FBXL20: variants seen among roughly 807,000 people sequenced by gnomAD.
FBXL20 encodes F-box/LRR-repeat protein 20.
FBXL20 carries 11 observed loss-of-function variants against 64.0 expected under a neutral mutation model. The observed-to-expected ratio is 0.17, with a 90% CI of 0.11 to 0.28. FBXL20 has a LOEUF of 0.28. Among genes scored for constraint, FBXL20 ranks in the 10% least tolerant of loss-of-function variants. FBXL20 has a pLI of 1.00. For synonymous variants in FBXL20, 184 were observed against 189.0 expected (o/e 0.97, Z 0.22); for missense variants, 303 against 526.2 (o/e 0.58, Z 4.15).
intron 9 of FBXL20, among the ~76,000 whole-genome samples, chr17:39,275,584 T>C (rs2046882728): frequency 6.6e-6 from 1 of 151,824 alleles, no homozygotes; most frequent in South Asian, 2.1e-4. Context: ...GCAATTTTTT[T>C]TTTTGTATTT....
At chr17:39,275,715 T>TA (rs2046884009) in intron 9 of FBXL20, among the ~76,000 whole-genome samples, 1 of 151,870 alleles carries the variant, frequency 6.6e-6, no homozygotes, top group Non-Finnish European at 1.5e-5. Flanking sequence ...TGGCCTCAAT[T>TA]AAATATTAAA....
intron 9 of FBXL20, among the ~76,000 whole-genome samples, chr17:39,280,260 G>A (rs924432791): frequency 2.0e-5 from 3 of 148,826 alleles, no homozygotes; most frequent in East Asian, 2.0e-4. Context: ...AAAATTAGCC[G>A]GGCATGGTGA....
rs565807417 is a variant in FBXL20 at position 39,310,869 on chromosome 17, C to T, written c.105-7230G>A. ...GCATGGTGGCACACGCCTGTAATCTCAGCTACTTGGGAGGCTGAGGCAGAA... is the reference window on the plus strand; with the variant it reads ...GCATGGTGGCACACGCCTGTAATCTTAGCTACTTGGGAGGCTGAGGCAGAA... On this transcript the variant is annotated intron_variant, in intron 2 of 14. Coordinates refer to ENST00000264658, the MANE Select transcript of FBXL20 (RefSeq NM_032875.3). 1.9e-3 allele frequency among the ~76,000 whole-genome samples: 284 copies of T among 152,222 alleles called. 2 individuals are homozygous for T. The highest frequency in any genetic ancestry group is 6.5e-3 in the African/African-American group (271 of 41,530).
intron 1 of FBXL20, among the ~76,000 whole-genome samples, chr17:39,391,021 C>G (rs943232696): frequency 6.6e-6 from 1 of 152,064 alleles, no homozygotes; most frequent in Non-Finnish European, 1.5e-5. Context: ...CCAGCTTGTG[C>G]GACAGAGCAA....
chr17:39,372,188 T>C (rs1261917100), intron 1 of FBXL20, among the ~76,000 whole-genome samples: 1 of 152,130 alleles, frequency 6.6e-6, no homozygotes, highest in Non-Finnish European at 1.5e-5. Flanking sequence ...TAGGTGATTT[T>C]CAAAACAGCC....
chr17:39,274,936 T>C, intron 10 of FBXL20, 34 bp downstream of exon 10: 1 of 1,611,326 alleles, frequency 6.2e-7, no homozygotes, highest in Non-Finnish European at 8.5e-7. Flanking sequence ...ACTTTTGTTC[T>C]ATGATTTTTT....
intron 1 of FBXL20, among the ~76,000 whole-genome samples, chr17:39,360,879 G>A (rs2047787578): frequency 6.6e-6 from 1 of 152,044 alleles, no homozygotes; most frequent in Admixed American, 6.6e-5. Flanking sequence ...AGATATACCA[G>A]TTGTTACCAA....
In FBXL20 at chr17:39,386,571, C is replaced by G. The variant is rs145521275; in HGVS notation, c.42+14790G>C. On this transcript the variant is annotated intron_variant, in intron 1 of 14. Coordinates refer to ENST00000264658, the MANE Select transcript of FBXL20 (RefSeq NM_032875.3). ...CCCGGGAGGCGGAGGTTGCAGTGAG[C>G]TGAGATCACGTCACTGTACTCCAGC... is the stretch of plus-strand genomic sequence containing the variant. Among the ~76,000 whole-genome samples, 1,036 of 152,202 alleles carry G rather than the reference C, an allele frequency of 6.8e-3. 6 individuals carry two copies. Among genetic ancestry groups the G allele is most frequent in the South Asian group, 0.011 (54 of 4,824 alleles).
intron 2 of FBXL20, among the ~76,000 whole-genome samples, chr17:39,319,673 CAAAAAAA>C (rs71300077): frequency 5.5e-4 from 26 of 47,308 alleles, no homozygotes; most frequent in African/African-American, 1.7e-3. Context: ...GACTCCATAT[CAAAAAAA>C]AAAAAAAAAA....
chr17:39,266,322 C>T (rs1189993261), intron 12 of FBXL20, among the ~76,000 whole-genome samples: 1 of 151,178 alleles, frequency 6.6e-6, no homozygotes, highest in Non-Finnish European at 1.5e-5. Flanking sequence ...TGGGTTCAAG[C>T]GATTCTCCTG....
At chr17:39,301,924 C>G (rs995238682) in intron 3 of FBXL20, among the ~76,000 whole-genome samples, 2 of 142,874 alleles carry the variant, frequency 1.4e-5, no homozygotes, top group Non-Finnish European at 3.0e-5. Context: ...TCCCTCCCCC[C>G]GCCCACGCAC....
intron 1 of FBXL20, among the ~76,000 whole-genome samples, chr17:39,383,212 A>T (rs2048044056): frequency 6.6e-6 from 1 of 151,904 alleles, no homozygotes; most frequent in Non-Finnish European, 1.5e-5. Context: ...ATGGAATACT[A>T]TGTAACAATT....
At chr17:39,382,907 A>G (rs59678221) in intron 1 of FBXL20, among the ~76,000 whole-genome samples, 4,886 of 152,116 alleles carry the variant, frequency 0.032, 273 homozygotes, top group African/African-American at 0.11. Context: ...CTGTAGTCCC[A>G]GCACTTTGTG....
chr17:39,337,248 A>G (rs929112595), intron 2 of FBXL20, among the ~76,000 whole-genome samples: 4 of 152,114 alleles, frequency 2.6e-5, no homozygotes, highest in African/African-American at 9.7e-5. Flanking sequence ...TCGGCCTCCC[A>G]AGGTGCCGGG....
chr17:39,281,535 C>T lies in FBXL20; in HGVS notation c.622-72G>A, dbSNP rs77536698. The T allele has an allele frequency of 8.7e-4, 1,111 of 1,280,120 alleles. 6 individuals carry two copies. The African/African-American group carries it at 0.014, about 17-fold the overall frequency. 79.3% of individuals were successfully genotyped at this position (1,280,120 alleles called of 1,614,324 possible). On this transcript the variant is annotated intron_variant, in intron 8 of 14. Coordinates refer to ENST00000264658, the MANE Select transcript of FBXL20 (RefSeq NM_032875.3). ...CAAAGGAAAGAGATTTAAGAATGTA[C>T]ACATTCATTCATACATTCTAATACA...
rs923705558 is a variant in FBXL20 at position 39,252,736 on chromosome 17, C to G, written c.*8724G>C. On this transcript the variant is annotated 3_prime_UTR_variant, in exon 15 of 15. Coordinates refer to ENST00000264658, the MANE Select transcript of FBXL20 (RefSeq NM_032875.3). ...ACAAGAAACAATAATAGTTACATAA[C>G]AATTTACTTTATATATTTATATATA... The G allele has an allele frequency of 6.8e-6, 1 of 147,468 alleles. No homozygotes were observed. Among genetic ancestry groups the G allele is most frequent in the Non-Finnish European group, 1.5e-5 (1 of 66,982 alleles). The allele number at this position is 147,468 out of a possible 1,614,324, so 9.1% of individuals were successfully genotyped here.
At chr17:39,335,836 G>C (rs1002918150) in intron 2 of FBXL20, among the ~76,000 whole-genome samples, 5 of 152,112 alleles carry the variant, frequency 3.3e-5, no homozygotes, top group African/African-American at 1.2e-4. Flanking sequence ...GGAAGGAAGA[G>C]AATCAGTATA....
At chr17:39,300,295 G>A (rs959013240) in intron 4 of FBXL20, among the ~76,000 whole-genome samples, 8 of 152,122 alleles carry the variant, frequency 5.3e-5, no homozygotes, top group Non-Finnish European at 1.0e-4. Context: ...AAAGTGCTGA[G>A]ATTACAGGTG....
At chr17:39,393,013 G>T (rs2048149197) in intron 1 of FBXL20, among the ~76,000 whole-genome samples, 2 of 151,530 alleles carry the variant, frequency 1.3e-5, no homozygotes, top group South Asian at 4.2e-4. Flanking sequence ...AAATAGGCCG[G>T]CACGGTGGCT....
Sources: gnomAD v4.1 joint callset for allele counts (sites outside exome capture counted in the v4.1 genomes callset) on GRCh38, gnomAD v4.1.1 for gene constraint, MANE v1.5 for transcripts, NCBI Gene and HGNC (gene_info 2026-07-23, HGNC 2026-07-21) for gene names.